Variants in RNLS observed in about 807,000 individuals in gnomAD.
RNLS encodes the protein renalase.
A neutral mutation model predicts 39.8 loss-of-function variants in RNLS; 39 were observed. The observed-to-expected ratio is 0.98, with a 90% CI of 0.76 to 1.28. The LOEUF is 1.28. RNLS is among the 50% of genes most tolerant of loss of function. The pLI, the probability that RNLS is intolerant of heterozygous loss-of-function variation, is 0.00. For synonymous variants in RNLS, 147 were observed against 150.7 expected, an observed-to-expected ratio of 0.98 and a Z score of 0.18; for missense variants, 410 against 413.3, an observed-to-expected ratio of 0.99 and a Z score of 0.07.
At chr10:88,398,382 T>C (rs1431454986) in intron 4 of RNLS, among the ~76,000 whole-genome samples, 1 of 151,936 alleles carries the variant, frequency 6.6e-6, no homozygotes, top group Non-Finnish European at 1.5e-5. Flanking sequence ...GCAATTAAGG[T>C]AGGTGGATAG....
At chr10:88,467,791 CCT>C (rs1253889267) in intron 4 of RNLS, among the ~76,000 whole-genome samples, 1 of 152,092 alleles carries the variant, frequency 6.6e-6, no homozygotes, top group Non-Finnish European at 1.5e-5. Flanking sequence ...ATGCTCTCGC[CCT>C]TTCTTTAAAG....
intron 5 of RNLS, among the ~76,000 whole-genome samples, chr10:88,357,259 T>C (rs1849262169): frequency 6.6e-6 from 1 of 152,200 alleles, no homozygotes; most frequent in Non-Finnish European, 1.5e-5. Flanking sequence ...ATAGTTTAAT[T>C]TACCCAAAGT....
At chr10:88,378,999 T>C (rs895882776) in intron 4 of RNLS, among the ~76,000 whole-genome samples, 3 of 152,240 alleles carry the variant, frequency 2.0e-5, no homozygotes, top group Non-Finnish European at 4.4e-5. Flanking sequence ...CTGTATATAT[T>C]TGTATGTGCT....
the RNLS span, among the ~76,000 whole-genome samples, chr10:88,225,892 T>C: frequency 1.3e-5 from 2 of 152,092 alleles, no homozygotes; most frequent in African/African-American, 4.8e-5. Context: ...CTTAGCTATA[T>C]AAAATATTTA....
chr10:88,402,156 T>G (rs778603633), intron 4 of RNLS, among the ~76,000 whole-genome samples: 2 of 151,954 alleles, frequency 1.3e-5, no homozygotes, highest in Non-Finnish European at 2.9e-5. Flanking sequence ...TCAAAAAAAT[T>G]TATTCTTGCC....
the RNLS span, among the ~76,000 whole-genome samples, chr10:88,196,322 G>GA: frequency 6.6e-6 from 1 of 152,254 alleles, no homozygotes; most frequent in Non-Finnish European, 1.5e-5. Flanking sequence ...CAAATCGTTT[G>GA]AAAGTCAGTG....
chr10:88,512,737 C>T (rs1846198961), intron 4 of RNLS, among the ~76,000 whole-genome samples: 1 of 152,150 alleles, frequency 6.6e-6, no homozygotes, highest in South Asian at 2.1e-4. Context: ...ACACTGCTCA[C>T]AGGTGCCCAA....
intron 5 of RNLS, among the ~76,000 whole-genome samples, chr10:88,344,431 ATCT>A: frequency 6.6e-6 from 1 of 152,246 alleles, no homozygotes; most frequent in South Asian, 2.1e-4. Flanking sequence ...GGACATTCTT[ATCT>A]TCTTTCCTAA....
chr10:88,569,840 A>C (rs1849722655), intron 4 of RNLS, among the ~76,000 whole-genome samples: 1 of 152,086 alleles, frequency 6.6e-6, no homozygotes, highest in Non-Finnish European at 1.5e-5. Flanking sequence ...AAAAGCTAAA[A>C]AAATAAAAAA....
At chr10:88,450,528 C>T (rs1842303926) in intron 4 of RNLS, among the ~76,000 whole-genome samples, 1 of 152,094 alleles carries the variant, frequency 6.6e-6, no homozygotes, top group East Asian at 1.9e-4. Flanking sequence ...GGCCATAAAA[C>T]CGGAAGTCAA....
At chr10:88,459,634 A>T (rs1842833146) in intron 4 of RNLS, among the ~76,000 whole-genome samples, 2 of 152,178 alleles carry the variant, frequency 1.3e-5, no homozygotes, top group South Asian at 4.1e-4. Flanking sequence ...AAAAGAAAAC[A>T]AATGACTGGG....
At chr10:88,468,565 C>T (rs1843342516) in intron 4 of RNLS, among the ~76,000 whole-genome samples, 1 of 151,726 alleles carries the variant, frequency 6.6e-6, no homozygotes, top group African/African-American at 2.4e-5. Flanking sequence ...GCTCTTGTAA[C>T]TGGATGTGTC....
chr10:88,392,613 T>A (rs1852276527), intron 4 of RNLS, among the ~76,000 whole-genome samples: 1 of 152,200 alleles, frequency 6.6e-6, no homozygotes, highest in Non-Finnish European at 1.5e-5. Context: ...AGAAATCACA[T>A]ATTAAATAAT....
chr10:88,366,579 A>C (rs1247636657), intron 4 of RNLS, among the ~76,000 whole-genome samples: 2 of 146,624 alleles, frequency 1.4e-5, no homozygotes, highest in Admixed American at 7.0e-5. Context: ...CACTCATGCT[A>C]ATGTTCCTGA....
exon 7 of RNLS, chr10:88,274,590 C>T (rs1461979003): frequency 5.4e-6 from 1 of 184,642 alleles, no homozygotes; most frequent in Non-Finnish European, 1.1e-5. Flanking sequence ...ATCTATTCAT[C>T]TATCCATGGA....
At chr10:88,304,641 G>GA (rs1028152253) in intron 6 of RNLS, among the ~76,000 whole-genome samples, 2 of 151,952 alleles carry the variant, frequency 1.3e-5, no homozygotes, top group Non-Finnish European at 2.9e-5. Flanking sequence ...CAAGAATAGA[G>GA]AAAAAAGAAT....
chr10:88,258,658 A>G, the RNLS span, among the ~76,000 whole-genome samples: 1 of 152,230 alleles, frequency 6.6e-6, no homozygotes, highest in African/African-American at 2.4e-5. Context: ...AGAAACTGAA[A>G]TAATGAGAAA....
chr10:88,573,490 G>C (rs1013399844), intron 3 of RNLS, among the ~76,000 whole-genome samples: 2 of 152,216 alleles, frequency 1.3e-5, no homozygotes, highest in South Asian at 4.1e-4. Flanking sequence ...ATACACTTCA[G>C]TAAACATGTG....
chr10:88,309,099 C>T (rs1845154602), intron 6 of RNLS, among the ~76,000 whole-genome samples: 1 of 151,920 alleles, frequency 6.6e-6, no homozygotes, highest in South Asian at 2.1e-4. Context: ...TAGAGGGGAA[C>T]AATACACCCA....
Sources: gnomAD v4.1 joint callset for allele counts (sites outside exome capture counted in the v4.1 genomes callset) on GRCh38, gnomAD v4.1.1 for gene constraint, MANE v1.5 for transcripts, NCBI Gene and HGNC (gene_info 2026-07-23, HGNC 2026-07-21) for gene names.